TNKS2: variants seen among roughly 807,000 people sequenced by gnomAD.
The protein encoded by TNKS2 is poly [ADP-ribose] polymerase tankyrase-2.
A neutral mutation model predicts 137.6 loss-of-function variants in TNKS2; 72 were observed. That is an observed-to-expected ratio of 0.52 (90% confidence interval 0.43 to 0.64). The LOEUF is 0.64. Ranked by LOEUF, TNKS2 falls within the 30% of genes least tolerant of loss-of-function variation. The pLI, the probability that TNKS2 is intolerant of heterozygous loss-of-function variation, is 0.00. For synonymous variants in TNKS2, 516 were observed against 512.1 expected (o/e 1.01, Z -0.10); for missense variants, 1,049 against 1,410.2 (o/e 0.74, Z 4.10).
rs746423010 is a variant in TNKS2, at chr10:91,845,772, A to G, written c.2190A>G (p.Leu730=). Residue 730 remains leucine, a synonymous_variant, in exon 18 of 27, where the codon CTA becomes CTG. Transcript: ENST00000371627. ...TACAGCATGTAGATGTAGCAGCTCT[A>G]CTAATAAAGTATAATGCATGTGTCA... is the stretch of plus-strand genomic sequence containing the variant. The part of the protein sequence containing the change: ...ASYGHVDVAA[L]LIKYNACVNA... 2.6e-6 allele frequency: 4 copies of G among 1,555,600 alleles called. No individual in the cohort carries two copies. The highest frequency in any genetic ancestry group is 3.6e-5 in the Admixed American group (2 of 55,876).
chr10:91,853,021 G>T (rs1481434063), intron 21 of TNKS2, among the ~76,000 whole-genome samples: 2 of 152,196 alleles, frequency 1.3e-5, no homozygotes, highest in African/African-American at 4.8e-5. Flanking sequence ...CACTAAAAAT[G>T]AGAAACTAGA....
chr10:91,862,520 C>T (rs1439741177), intron 26 of TNKS2, among the ~76,000 whole-genome samples: 1 of 152,026 alleles, frequency 6.6e-6, no homozygotes, highest in Non-Finnish European at 1.5e-5. Context: ...ATTCAAATTT[C>T]GCCAGTCGTT....
Position 91,855,528 on chromosome 10 carries a change from A to G in TNKS2, c.2914-86A>G, listed in dbSNP as rs1382615626. On this transcript the variant is annotated intron_variant, in intron 22 of 26. Transcript: ENST00000371627. ...CCTGTTTTGTATTCTCAAAAATAGA[A>G]TCAGACGAGTCAAGAACCATGTTCC... The G allele has an allele frequency of 3.9e-6, 4 of 1,037,508 alleles. No individual in the cohort carries two copies. In the East Asian group the frequency reaches 7.9e-5, roughly 20 times the overall value. The allele number at this position is 1,037,508 out of a possible 1,614,324, so 64.3% of individuals were successfully genotyped here. A position where few individuals can be genotyped will look rare whatever the true frequency, so the allele number is the denominator to read the frequency against.
In TNKS2 at chr10:91,816,642, C is replaced by G. The variant is rs192841544; in HGVS notation, c.425-492C>G. On this transcript the variant is annotated intron_variant, in intron 2 of 26. Transcript: ENST00000371627. The stretch of plus-strand genomic sequence containing the variant: ...TTATTGAAAGCATAAGGAAGCTATT[C>G]AGTTTTTTGTGTTTTTTAAAAAAGA... Among the ~76,000 whole-genome samples, 80 of 150,362 alleles carry G rather than the reference C, an allele frequency of 5.3e-4. 1 individual carries two copies. Among genetic ancestry groups the G allele is most frequent in the African/African-American group, 1.8e-3 (73 of 40,878 alleles).
At chr10:91,831,448 A>G (rs1845242330) in intron 11 of TNKS2, among the ~76,000 whole-genome samples, 1 of 152,086 alleles carries the variant, frequency 6.6e-6, no homozygotes, top group South Asian at 2.1e-4. Context: ...GTTATTCTTA[A>G]GGACTTTTCT....
intron 19 of TNKS2, 67 bp from the exon 20 acceptor site, chr10:91,849,439 TTTACTG>T: frequency 8.5e-7 from 1 of 1,181,382 alleles, no homozygotes; most frequent in Non-Finnish European, 1.2e-6. Flanking sequence ...ATTACAAGAC[TTTACTG>T]TTATAGTGAT....
chr10:91,804,067 C>T (rs1200872376), intron 1 of TNKS2, among the ~76,000 whole-genome samples: 1 of 152,070 alleles, frequency 6.6e-6, no homozygotes, highest in Admixed American at 6.6e-5. Flanking sequence ...TAACAATAGT[C>T]ATAGTTAGCA....
At chr10:91,830,365 G>GT (rs1845207776) in intron 9 of TNKS2, among the ~76,000 whole-genome samples, 1 of 152,004 alleles carries the variant, frequency 6.6e-6, no homozygotes, top group Non-Finnish European at 1.5e-5. Context: ...TTACAGGCAC[G>GT]TGCCACCACG....
At chr10:91,822,946 A>G (rs868222584) in intron 7 of TNKS2, among the ~76,000 whole-genome samples, 2 of 151,428 alleles carry the variant, frequency 1.3e-5, no homozygotes, top group Middle Eastern at 3.4e-3. Flanking sequence ...CCATCTACTC[A>G]GGAGGCTGTG....
At position 91,820,013 on chromosome 10, in the gene TNKS2, T is replaced by C. The variant is rs1020383936; in HGVS notation, c.708T>C (p.Asp236=). 6.3e-6 allele frequency: 10 copies of C among 1,589,262 alleles called. No individual in the cohort carries two copies. Among genetic ancestry groups the C allele is most frequent in the African/African-American group, 5.4e-5 (4 of 74,042 alleles). Residue 236 remains aspartate (D), a synonymous_variant, in exon 6 of 27, where the codon GAT becomes GAC. Transcript: ENST00000371627. ...IVQLLLQHGA[D]VHAKDKGDLV... ...AGCTGTTACTGCAACATGGAGCTGATGTCCATGCTAAAGATAAAGGGTAAG... is the reference window on the plus strand; with the variant it reads ...AGCTGTTACTGCAACATGGAGCTGACGTCCATGCTAAAGATAAAGGGTAAG...
rs150887943 is a variant in TNKS2, at chr10:91,828,378, A to G, written c.1076A>G (p.Lys359Arg). 9.3e-5 allele frequency: 150 copies of G among 1,607,644 alleles called. No homozygotes were observed. The highest frequency in any genetic ancestry group is 1.2e-4 in the Non-Finnish European group (140 of 1,177,658). Residue 359 changes from lysine to arginine, a missense_variant, in exon 9 of 27, where the codon AAG (lysine) becomes AGG (arginine). Around this residue, in one of 6 missense-constraint regions of TNKS2, gnomAD observed 374 missense variants for 460.8 expected, o/e 0.81. Coordinates refer to ENST00000371627, the MANE Select transcript of TNKS2 (RefSeq NM_025235.4). The part of the protein sequence containing the change: ...KHLSLEMVNF[K>R]HPQTHETALH... ...CTCTCTCTGGAAATGGTGAATTTCAAGCATCCTCAAACACATGAAACAGCA... is the reference window on the plus strand; with the variant it reads ...CTCTCTCTGGAAATGGTGAATTTCAGGCATCCTCAAACACATGAAACAGCA...
At chr10:91,801,587 T>A (rs943852567) in intron 1 of TNKS2, among the ~76,000 whole-genome samples, 4 of 152,024 alleles carry the variant, frequency 2.6e-5, no homozygotes, top group Non-Finnish European at 5.9e-5. Flanking sequence ...GATTCTCCTG[T>A]CTCAGCCTCC....
Position 91,798,851 on chromosome 10 carries a change from C to G in TNKS2, c.161C>G (p.Thr54Arg), listed in dbSNP as rs1429038716. 1.5e-6 allele frequency: 2 copies of G among 1,356,782 alleles called. No individual in the cohort carries two copies. Among genetic ancestry groups the G allele is most frequent in the Non-Finnish European group, 1.9e-6 (2 of 1,047,820 alleles). The allele number at this position is 1,356,782 out of a possible 1,614,324, so 84.0% of individuals were successfully genotyped here. A position where few individuals can be genotyped will look rare whatever the true frequency, so the allele number is the denominator to read the frequency against. ...CCTGAGAAGGTGAACAGCCGCGACA[C>G]GGCGGGCAGGAAATCCACCCCGCTG... is the stretch of plus-strand genomic sequence containing the variant. ...VTPEKVNSRD[T>R]AGRKSTPLHF... Residue 54 changes from threonine to arginine, a missense_variant, in exon 1 of 27, where the codon ACG becomes AGG. Around this residue, in one of 6 missense-constraint regions of TNKS2, gnomAD observed 374 missense variants for 460.8 expected, o/e 0.81. Coordinates refer to ENST00000371627, the MANE Select transcript of TNKS2 (RefSeq NM_025235.4).
chr10:91,853,858 T>C (rs771989728), intron 21 of TNKS2, among the ~76,000 whole-genome samples: 4 of 152,206 alleles, frequency 2.6e-5, no homozygotes, highest in Non-Finnish European at 5.9e-5. Flanking sequence ...CAAACTTCCA[T>C]GCACTAACCC....
At chr10:91,860,276 C>T (rs1264908902) in intron 25 of TNKS2, among the ~76,000 whole-genome samples, 1 of 152,126 alleles carries the variant, frequency 6.6e-6, no homozygotes, top group Non-Finnish European at 1.5e-5. Flanking sequence ...CTTGAAAAAT[C>T]CAGTAAGATT....
chr10:91,833,723 G>C, intron 11 of TNKS2, 130 bp from the exon 12 acceptor site: 1 of 652,588 alleles, frequency 1.5e-6, no homozygotes, highest in Non-Finnish European at 2.3e-6. Flanking sequence ...AAAAATACTT[G>C]CTTTGGCATT....
Position 91,798,479 on chromosome 10 carries a change from C to T in TNKS2, c.-212C>T, listed in dbSNP as rs1844036184. Reference sequence around the variant, plus strand: ...CCGGACGGCGGATTCGCGCTGCCTCCGCCGCCGCGGGGCAGCCGGGGGGCA... The same window carrying T: ...CCGGACGGCGGATTCGCGCTGCCTCTGCCGCCGCGGGGCAGCCGGGGGGCA... On this transcript the variant is annotated 5_prime_UTR_variant, in exon 1 of 27. Coordinates refer to ENST00000371627, the MANE Select transcript of TNKS2 (RefSeq NM_025235.4). 4.7e-6 allele frequency: 2 copies of T among 429,672 alleles called. No homozygotes were observed. The highest frequency in any genetic ancestry group is 4.2e-5 in the African/African-American group (2 of 47,900). The allele number at this position is 429,672 out of a possible 1,614,324, so 26.6% of individuals were successfully genotyped here.
At chr10:91,857,261 A>G (rs1258895746) in intron 23 of TNKS2, among the ~76,000 whole-genome samples, 164 bp from the exon 24 acceptor site, 4 of 151,992 alleles carry the variant, frequency 2.6e-5, no homozygotes, top group African/African-American at 7.3e-5. Context: ...TTCCAATTTT[A>G]TGGTTGGGAC....
At chr10:91,826,230 G>A (rs1246490711) in intron 7 of TNKS2, among the ~76,000 whole-genome samples, 1 of 152,162 alleles carries the variant, frequency 6.6e-6, no homozygotes, top group African/African-American at 2.4e-5. Flanking sequence ...TTAAGTTTGT[G>A]TGCATAAGGT....
Sources: allele counts gnomAD v4.1 joint callset (sites outside exome capture counted in the v4.1 genomes callset), GRCh38; gene constraint gnomAD v4.1.1; regional missense constraint gnomAD v4.1.1; transcripts MANE v1.5; gene names NCBI Gene and HGNC (gene_info 2026-07-23, HGNC 2026-07-21).